Variants in RFX3 observed in about 807,000 individuals in gnomAD.
RFX3 encodes the protein transcription factor RFX3.
A neutral mutation model predicts 98.6 loss-of-function variants in RFX3; 14 were observed. The ratio of observed to expected loss-of-function variants is 0.14; its 90% CI spans 0.09 to 0.22. The LOEUF (loss-of-function observed/expected upper bound fraction) is 0.22, where lower values mean the gene tolerates loss of function less well. Among genes scored for constraint, RFX3 ranks in the 10% least tolerant of loss-of-function variants. The pLI, the probability that RFX3 is intolerant of heterozygous loss-of-function variation, is 1.00. For missense variants in RFX3, 639 were observed against 926.9 expected (o/e 0.69, Z 4.03); for synonymous variants, 383 against 328.4 (o/e 1.17, Z -1.80).
chr9:3,410,263 C>A lies in RFX3; in HGVS notation c.-8-14667G>T, dbSNP rs558020196. Among the ~76,000 whole-genome samples the A allele has an allele frequency of 5.3e-4, 76 of 144,220 alleles. 1 individual carries two copies. Among genetic ancestry groups the A allele is most frequent in the African/African-American group, 1.8e-3 (73 of 39,646 alleles). 94.6% of individuals were successfully genotyped at this position (144,220 alleles called of 152,430 possible). On this transcript the variant is annotated intron_variant, in intron 1 of 16. Coordinates refer to ENST00000617270, the MANE Select transcript of RFX3 (RefSeq NM_001282116.2). ...CTTTATATTCTATAGGAATTCTGAA[C>A]CATCTTGCCAACTTGTTTTTCTCTA...
intron 1 of RFX3, among the ~76,000 whole-genome samples, chr9:3,500,420 T>G (rs1323427953): frequency 6.6e-6 from 1 of 152,140 alleles, no homozygotes; most frequent in Non-Finnish European, 1.5e-5. Context: ...AAAACAAATA[T>G]GAAAGTTTAT....
intron 1 of RFX3, among the ~76,000 whole-genome samples, chr9:3,462,711 G>C (rs1847807741): frequency 6.6e-6 from 1 of 151,972 alleles, no homozygotes; most frequent in South Asian, 2.1e-4. Context: ...GTGTTACAAG[G>C]TCAAAATAGA....
chr9:3,467,329 T>C (rs1848397269), intron 1 of RFX3, among the ~76,000 whole-genome samples: 1 of 148,486 alleles, frequency 6.7e-6, no homozygotes, highest in Admixed American at 6.8e-5. Context: ...TGTGTGTATG[T>C]ACGTGTGTGT....
At chr9:3,493,453 G>A (rs904790106) in intron 1 of RFX3, among the ~76,000 whole-genome samples, 2 of 151,942 alleles carry the variant, frequency 1.3e-5, no homozygotes, top group Admixed American at 6.6e-5. Context: ...GGGAGGCCGA[G>A]GCAGGCAGAT....
intron 1 of RFX3, among the ~76,000 whole-genome samples, chr9:3,434,636 T>C (rs970778190): frequency 2.0e-5 from 3 of 152,068 alleles, no homozygotes; most frequent in Non-Finnish European, 2.9e-5. Context: ...AGTCTAAAGA[T>C]AAACGTCACC....
intron 1 of RFX3, among the ~76,000 whole-genome samples, chr9:3,495,491 A>G (rs1304993612): frequency 6.6e-6 from 1 of 152,076 alleles, no homozygotes; most frequent in Non-Finnish European, 1.5e-5. Context: ...GCAGTATTTA[A>G]TTCTTTAAAA....
In RFX3 at chr9:3,313,955, A is replaced by G. The variant is rs143841520; in HGVS notation, c.475-12335T>C. Among the ~76,000 whole-genome samples, 515 of 152,344 alleles carry G rather than the reference A, an allele frequency of 3.4e-3. 4 individuals are homozygous for G. Among genetic ancestry groups the G allele is most frequent in the African/African-American group, 0.011 (478 of 41,590 alleles). Reference sequence around the variant, plus strand: ...CCAAGTTGGAAAGCACTCTTCGGATATTATCCAGGAGAACTTCCCCAATTG... The same window carrying G: ...CCAAGTTGGAAAGCACTCTTCGGATGTTATCCAGGAGAACTTCCCCAATTG... On this transcript the variant is annotated intron_variant, in intron 4 of 16. Transcript: ENST00000617270.
chr9:3,318,693 T>C (rs1830913716), intron 4 of RFX3, among the ~76,000 whole-genome samples: 1 of 152,182 alleles, frequency 6.6e-6, no homozygotes, highest in Non-Finnish European at 1.5e-5. Flanking sequence ...TATTCACTGA[T>C]AATTTTATGA....
At chr9:3,284,683 G>A (rs1826346044) in intron 7 of RFX3, among the ~76,000 whole-genome samples, 1 of 151,644 alleles carries the variant, frequency 6.6e-6, no homozygotes, top group African/African-American at 2.4e-5. Flanking sequence ...CTGTTGTACT[G>A]AATAATTTTA....
At position 3,222,389 on chromosome 9, in the gene RFX3, A is replaced by G. The variant is rs1169814306; in HGVS notation, c.*2653T>C. On this transcript the variant is annotated 3_prime_UTR_variant, in exon 17 of 17. Transcript: ENST00000617270. ...GAACAAACCATGAACAATTGGAAGAAATGTTGAATCCTGGAGCATCCCCGA... is the reference window on the plus strand; with the variant it reads ...GAACAAACCATGAACAATTGGAAGAGATGTTGAATCCTGGAGCATCCCCGA... The G allele has an allele frequency of 6.6e-6, 1 of 152,194 alleles. No homozygotes were observed. The highest frequency in any genetic ancestry group is 1.5e-5 in the Non-Finnish European group (1 of 68,016). 9.4% of individuals were successfully genotyped at this position (152,194 alleles called of 1,614,324 possible). A position where few individuals can be genotyped will look rare whatever the true frequency, so the allele number is the denominator to read the frequency against.
intron 3 of RFX3, among the ~76,000 whole-genome samples, chr9:3,338,844 C>G (rs902126773): frequency 5.9e-5 from 9 of 152,318 alleles, no homozygotes; most frequent in African/African-American, 2.2e-4. Flanking sequence ...AATCTCAACA[C>G]TTTGGGAGGC....
intron 2 of RFX3, among the ~76,000 whole-genome samples, chr9:3,354,838 G>A (rs1835561229): frequency 6.6e-6 from 1 of 151,490 alleles, no homozygotes; most frequent in Non-Finnish European, 1.5e-5. Context: ...TTACTTTTCT[G>A]TAAAAAGTTA....
intron 3 of RFX3, among the ~76,000 whole-genome samples, chr9:3,337,291 A>G (rs1833302097): frequency 6.6e-6 from 1 of 152,228 alleles, no homozygotes; most frequent in African/African-American, 2.4e-5. Context: ...TGAGGGCATT[A>G]TATGTCTGAT....
chr9:3,300,418 A>G (rs935825343), intron 5 of RFX3, among the ~76,000 whole-genome samples: 29 of 151,718 alleles, frequency 1.9e-4, no homozygotes, highest in Non-Finnish European at 4.4e-5. Flanking sequence ...CCATCTAAAA[A>G]CAAAGTGTAA....
At chr9:3,474,540 G>C (rs973266477) in intron 1 of RFX3, among the ~76,000 whole-genome samples, 16 of 152,084 alleles carry the variant, frequency 1.1e-4, no homozygotes, top group African/African-American at 3.4e-4. Flanking sequence ...TATCAATGAC[G>C]CTTTTAAAAT....
chr9:3,488,222 C>T (rs1850437261), intron 1 of RFX3, among the ~76,000 whole-genome samples: 1 of 152,096 alleles, frequency 6.6e-6, no homozygotes, highest in African/African-American at 2.4e-5. Flanking sequence ...TTCTCTACTG[C>T]TTCTCTCAGA....
intron 2 of RFX3, among the ~76,000 whole-genome samples, chr9:3,358,408 T>G (rs1836020493): frequency 6.6e-6 from 1 of 152,082 alleles, no homozygotes; most frequent in South Asian, 2.1e-4. Context: ...ATTCTATAAT[T>G]AAAGTAGAAA....
rs1817371386 is a variant in RFX3 at position 3,222,167 on chromosome 9, T to C, written c.*2875A>G. The C allele has an allele frequency of 6.6e-6, 1 of 152,178 alleles. No homozygotes were observed. The highest frequency in any genetic ancestry group is 6.5e-5 in the Admixed American group (1 of 15,274). The allele number at this position is 152,178 out of a possible 1,614,324, so 9.4% of individuals were successfully genotyped here. A position where few individuals can be genotyped will look rare whatever the true frequency, so the allele number is the denominator to read the frequency against. The stretch of plus-strand genomic sequence containing the variant: ...ATTGATGAAAATGTTTGTGTGTATG[T>C]CTGTGCATGTTTTACTGTGAACTAC... On this transcript the variant is annotated 3_prime_UTR_variant, in exon 17 of 17. Coordinates refer to ENST00000617270, the MANE Select transcript of RFX3 (RefSeq NM_001282116.2).
chr9:3,300,469 T>C (rs1013797061), intron 5 of RFX3, among the ~76,000 whole-genome samples: 2 of 151,706 alleles, frequency 1.3e-5, no homozygotes, highest in Non-Finnish European at 3.0e-5. Context: ...AGATATAAAA[T>C]TAAAATTTTT....
Sources: allele counts gnomAD v4.1 joint callset (sites outside exome capture counted in the v4.1 genomes callset), GRCh38; gene constraint gnomAD v4.1.1; transcripts MANE v1.5; gene names NCBI Gene and HGNC (gene_info 2026-07-23, HGNC 2026-07-21).